ING4: variants seen among roughly 807,000 people sequenced by gnomAD.
ING4 encodes the protein inhibitor of growth family member 4.
In ING4, 28 loss-of-function variants were observed where a neutral mutation model predicts 33.1. The observed-to-expected ratio is 0.85, with a 90% confidence interval of 0.63 to 1.16. The LOEUF is 1.16. Ranked by LOEUF, ING4 falls within the 50% of genes most tolerant of loss-of-function variation. ING4 has a pLI of 0.00. For missense variants in ING4, 247 were observed against 314.7 expected (o/e 0.78, Z 1.63); for synonymous variants, 87 against 104.4 (o/e 0.83, Z 1.02).
chr12:6,654,033 T>C (rs762791573), intron 2 of ING4, among the ~76,000 whole-genome samples: 6 of 152,012 alleles, frequency 3.9e-5, no homozygotes, highest in African/African-American at 7.2e-5. Flanking sequence ...GACAGGCTTT[T>C]TCCACGTTAC....
Position 6,650,945 on chromosome 12 carries a change from G to A in ING4, c.*250C>T, listed in dbSNP as rs932315445. The A allele has an allele frequency of 3.5e-6, 2 of 570,892 alleles. No homozygotes were observed. The highest frequency in any genetic ancestry group is 2.1e-5 in the South Asian group (1 of 48,188). 35.4% of individuals were successfully genotyped at this position (570,892 alleles called of 1,614,324 possible). A position where few individuals can be genotyped will look rare whatever the true frequency, so the allele number is the denominator to read the frequency against. ...CTCAGCATGGAGGCAAAAGGACAGT[G>A]GGCAAGACCACGTCCCTCCGAAGGG... On this transcript the variant is annotated 3_prime_UTR_variant, in exon 8 of 8. Coordinates refer to ENST00000341550, the MANE Select transcript of ING4 (RefSeq NM_016162.4).
intron 1 of ING4, among the ~76,000 whole-genome samples, chr12:6,661,059 G>A (rs937036161): frequency 1.3e-5 from 2 of 151,536 alleles, no homozygotes; most frequent in African/African-American, 4.9e-5. Flanking sequence ...CTCCCAATGT[G>A]CTAGGATTAT....
intron 1 of ING4, among the ~76,000 whole-genome samples, chr12:6,658,107 G>A (rs1015325221): frequency 1.8e-4 from 28 of 151,452 alleles, no homozygotes; most frequent in African/African-American, 5.3e-4. Context: ...CCACAGGCGC[G>A]CGCCACCACA....
At chr12:6,652,066 G>A (rs996457522) in intron 6 of ING4, among the ~76,000 whole-genome samples, 2 of 151,294 alleles carry the variant, frequency 1.3e-5, no homozygotes, top group Admixed American at 6.6e-5. Flanking sequence ...CACTATGTTG[G>A]CCAGGCTGGT....
At chr12:6,656,891 C>T (rs988438374) in intron 1 of ING4, 93 bp from the exon 2 acceptor site, 34 of 737,898 alleles carry the variant, frequency 4.6e-5, no homozygotes, top group Middle Eastern at 4.9e-4. Context: ...TGGTGGCTCA[C>T]GCCTGCAATC....
rs768542011 is a variant in ING4 at position 6,652,649 on chromosome 12, C to T, written c.497+13G>A. On this transcript the variant is annotated intron_variant, in intron 5 of 7. Transcript: ENST00000341550. ...AGGATGTCATCCGGCAAAGGGCTCC[C>T]TGAATCACTCACGTGCGCACGAGCT... The T allele has an allele frequency of 1.2e-6, 2 of 1,610,996 alleles. No homozygotes were observed. Among genetic ancestry groups the T allele is most frequent in the South Asian group, 2.2e-5 (2 of 90,934 alleles).
chr12:6,655,351 T>C (rs746401863), intron 2 of ING4, among the ~76,000 whole-genome samples: 4 of 152,310 alleles, frequency 2.6e-5, no homozygotes, highest in Middle Eastern at 3.4e-3. Flanking sequence ...GCCCCAAATG[T>C]TTTAATATTG....
chr12:6,653,405 G>A lies in ING4; in HGVS notation c.110-9C>T. The A allele has an allele frequency of 1.2e-6, 2 of 1,612,656 alleles. No homozygotes were observed. The highest frequency in any genetic ancestry group is 2.2e-5 in the South Asian group (2 of 90,824). On this transcript the variant is annotated splice_polypyrimidine_tract_variant and intron_variant, in intron 2 of 7. Coordinates refer to ENST00000341550, the MANE Select transcript of ING4 (RefSeq NM_016162.4). ...AATTTCAGCCTTCAGGTCTACAACAGAGACAGAGGCCTGGTCACAATGGCC... is the reference window on the plus strand; with the variant it reads ...AATTTCAGCCTTCAGGTCTACAACAAAGACAGAGGCCTGGTCACAATGGCC...
intron 1 of ING4, among the ~76,000 whole-genome samples, 180 bp from the exon 2 acceptor site, chr12:6,656,978 C>A (rs1949374799): frequency 6.6e-6 from 1 of 151,878 alleles, no homozygotes; most frequent in Admixed American, 6.6e-5. Flanking sequence ...CATGGCGAGA[C>A]CTCCATCTCT....
intron 1 of ING4, among the ~76,000 whole-genome samples, chr12:6,659,974 A>T (rs1949497950): frequency 6.6e-6 from 1 of 152,108 alleles, no homozygotes; most frequent in African/African-American, 2.4e-5. Flanking sequence ...AAAAAAAATA[A>T]TGTGTAATTA....
chr12:6,653,340 G>C lies in ING4; in HGVS notation c.166C>G (p.Leu56Val). Residue 56 changes from leucine to valine, a missense_variant, in exon 3 of 8, where the codon CTG (leucine) becomes GTG (valine). Physicochemically the swap from Leu to Val is conservative, Grantham distance 32. Coordinates refer to ENST00000341550, the MANE Select transcript of ING4 (RefSeq NM_016162.4). ...ATEYMSSARS[L>V]SSEEKLALLK... ...AGGGCCAATTTTTCCTCGGAGCTCA[G>C]GCTGCGGGCACTACTCATATACTCA... 5 of 1,614,184 alleles carry C rather than the reference G, an allele frequency of 3.1e-6. No individual in the cohort carries two copies. Among genetic ancestry groups the C allele is most frequent in the Non-Finnish European group, 4.2e-6 (5 of 1,180,052 alleles).
Position 6,653,049 on chromosome 12 carries a change from A to G in ING4, c.278T>C (p.Val93Ala). The change falls in exon 4 of 8, where the codon GTG (valine) becomes GCG (alanine). Residue 93 changes from valine to alanine, a missense_variant and splice_region_variant. Physicochemically the swap from Val to Ala is moderately conservative, Grantham distance 64. This residue lies in a region of ING4 where 198 missense variants were observed against 221.2 expected (regional missense o/e 0.89). Transcript: ENST00000341550. ...GTCCAGCCGCCGAATGTGTTTGTCC[A>G]CCTGGGTGGAAAGGAAGGAGAAAGG... The part of the protein sequence containing the change: ...VQLAMQTYEM[V>A]DKHIRRLDTD... 1 of 1,613,910 alleles carries G rather than the reference A, an allele frequency of 6.2e-7. No individual in the cohort carries two copies. Among genetic ancestry groups the G allele is most frequent in the Non-Finnish European group, 8.5e-7 (1 of 1,179,886 alleles).
At chr12:6,656,650 G>T in intron 2 of ING4, 77 bp downstream of exon 2, 3 of 823,588 alleles carry the variant, frequency 3.6e-6, no homozygotes, top group South Asian at 1.6e-5. Flanking sequence ...CATACCAGAT[G>T]ATACGGTAAC....
intron 2 of ING4, chr12:6,655,962 T>C (rs1374849588): frequency 1.1e-5 from 5 of 451,196 alleles, no homozygotes; most frequent in Non-Finnish European, 2.2e-5. Flanking sequence ...ACTGCTTTTT[T>C]TTCTTTCCTC....
intron 1 of ING4, among the ~76,000 whole-genome samples, chr12:6,660,847 G>A (rs1422602858): frequency 2.0e-5 from 3 of 152,020 alleles, no homozygotes; most frequent in Non-Finnish European, 2.9e-5. Context: ...GTGTAGTGTC[G>A]CTCTTGTCGC....
At position 6,651,072 on chromosome 12, in the gene ING4, G is replaced by C; in HGVS notation, c.*123C>G. On this transcript the variant is annotated 3_prime_UTR_variant, in exon 8 of 8. Transcript: ENST00000341550. ...CGGGAGTGGGGAGAGGGGAGGAGAA[G>C]GGATGACAGCACTGTGCCATCCACT... The C allele has an allele frequency of 9.2e-7, 1 of 1,090,022 alleles. No individual in the cohort carries two copies. The highest frequency in any genetic ancestry group is 1.4e-5 in the South Asian group (1 of 73,596). 67.5% of individuals were successfully genotyped at this position (1,090,022 alleles called of 1,614,324 possible).
chr12:6,661,406 G>GTTTTT (rs1174675715), intron 1 of ING4, among the ~76,000 whole-genome samples: 45 of 118,594 alleles, frequency 3.8e-4, no homozygotes, highest in African/African-American at 1.4e-3. Flanking sequence ...ACCAGCCTTT[G>GTTTTT]TTTTTTTTTT....
chr12:6,653,361 A>G lies in ING4; in HGVS notation c.145T>C (p.Tyr49His). 3 of 1,614,104 alleles carry G rather than the reference A, an allele frequency of 1.9e-6. No individual in the cohort carries two copies. Among genetic ancestry groups the G allele is most frequent in the Non-Finnish European group, 2.5e-6 (3 of 1,180,032 alleles). The stretch of plus-strand genomic sequence containing the variant: ...CTCAGGCTGCGGGCACTACTCATAT[A>G]CTCAGTGGCCAACTTGTCAATTTCA... Reference protein sequence around the residue: ...KAEIDKLATEYMSSARSLSSE... With the variant: ...KAEIDKLATEHMSSARSLSSE... Residue 49 changes from tyrosine to histidine, a missense_variant, in exon 3 of 8, where the codon TAT becomes CAT. Coordinates refer to ENST00000341550, the MANE Select transcript of ING4 (RefSeq NM_016162.4).
chr12:6,651,276 A>G, intron 7 of ING4, 42 bp from the exon 8 acceptor site: 2 of 1,613,658 alleles, frequency 1.2e-6, no homozygotes, highest in African/African-American at 2.7e-5. Context: ...GAAAGGGAGA[A>G]TGCCCTTGAC....
Sources: allele counts gnomAD v4.1 joint callset (sites outside exome capture counted in the v4.1 genomes callset), GRCh38; gene constraint gnomAD v4.1.1; regional missense constraint gnomAD v4.1.1; transcripts MANE v1.5; gene names NCBI Gene and HGNC (gene_info 2026-07-23, HGNC 2026-07-21).